The following POLR2B variants were observed in gnomAD, a reference collection of about 807,000 sequenced individuals.
POLR2B encodes DNA-directed RNA polymerase II subunit RPB2.
A neutral mutation model predicts 144.6 loss-of-function variants in POLR2B; 57 were observed. That is an observed-to-expected ratio of 0.39 (90% confidence interval 0.32 to 0.49). The LOEUF (loss-of-function observed/expected upper bound fraction) is 0.49, where lower values mean the gene tolerates loss of function less well. POLR2B is among the 20% of genes least tolerant of loss of function. The probability of loss-of-function intolerance (pLI) is 0.83; values close to 1 mark genes in which losing one functional copy is unlikely to be tolerated. For missense variants in POLR2B, 595 were observed against 1,467.4 expected, an observed-to-expected ratio of 0.41 and a Z score of 9.71; for synonymous variants, 442 against 469.8, an observed-to-expected ratio of 0.94 and a Z score of 0.77.
chr4:57,008,107 A>G (rs1723078098), intron 10 of POLR2B, among the ~76,000 whole-genome samples: 1 of 152,202 alleles, frequency 6.6e-6, no homozygotes, highest in African/African-American at 2.4e-5. Flanking sequence ...GGAGCTCATC[A>G]GCATCTAGCA....
chr4:57,000,875 T>C (rs1722831194), intron 7 of POLR2B, among the ~76,000 whole-genome samples: 1 of 151,986 alleles, frequency 6.6e-6, no homozygotes, highest in South Asian at 2.1e-4. Context: ...TTTGTATTTT[T>C]AGTAGAGACG....
intron 2 of POLR2B, among the ~76,000 whole-genome samples, chr4:56,987,781 C>T (rs188038348): frequency 6.6e-6 from 1 of 152,110 alleles, no homozygotes; most frequent in Non-Finnish European, 1.5e-5. Context: ...ACTTGGGAGG[C>T]TGAGGCAGGA....
In POLR2B at chr4:56,995,250, G is replaced by C; in HGVS notation, c.577-1G>C. The C allele has an allele frequency of 6.2e-7, 1 of 1,603,114 alleles. No homozygotes were observed. Among genetic ancestry groups the C allele is most frequent in the Non-Finnish European group, 8.5e-7 (1 of 1,172,276 alleles). On this transcript the variant is annotated splice_acceptor_variant, in intron 5 of 24. Transcript: ENST00000314595. LOFTEE classifies it high-confidence loss of function. Reference sequence around the variant, plus strand: ...CTGTAACTTTCTTATTGTCCAAATAGGTTCTGATTGCCCAAGAGAAAATGG... The same window carrying C: ...CTGTAACTTTCTTATTGTCCAAATACGTTCTGATTGCCCAAGAGAAAATGG...
chr4:57,023,957 A>G lies in POLR2B; in HGVS notation c.2857-48A>G, dbSNP rs1723630348. On this transcript the variant is annotated intron_variant, in intron 20 of 24. Coordinates refer to ENST00000314595, the MANE Select transcript of POLR2B (RefSeq NM_000938.3). The surrounding 1 kb of genome is among the most constrained non-coding windows in gnomAD (Gnocchi z 4.3). ...TTGGGAGAACTGAAATGTCAGTTCT[A>G]GTTTAGTATATGTATCTTTGAGTCC... 7 of 1,039,840 alleles carry G rather than the reference A, an allele frequency of 6.7e-6. No homozygotes were observed. Among genetic ancestry groups the G allele is most frequent in the Non-Finnish European group, 8.6e-6 (6 of 695,736 alleles). The allele number at this position is 1,039,840 out of a possible 1,614,324, so 64.4% of individuals were successfully genotyped here.
chr4:56,991,469 T>A (rs981835615), intron 3 of POLR2B, among the ~76,000 whole-genome samples: 1 of 152,166 alleles, frequency 6.6e-6, no homozygotes, highest in African/African-American at 2.4e-5. Flanking sequence ...ATAATGACTG[T>A]CCCAGTTTTA....
chr4:56,991,054 A>C, intron 3 of POLR2B, 156 bp downstream of exon 3: 3 of 565,722 alleles, frequency 5.3e-6, no homozygotes, highest in Non-Finnish European at 9.0e-6. Context: ...ATTTTCTCTA[A>C]TGAAGAGGTG....
intron 13 of POLR2B, among the ~76,000 whole-genome samples, chr4:57,014,288 G>A (rs1300160171): frequency 1.3e-5 from 2 of 151,718 alleles, no homozygotes; most frequent in African/African-American, 2.4e-5. Context: ...TCTGCCTCCC[G>A]GGTTCAAGTG....
intron 7 of POLR2B, among the ~76,000 whole-genome samples, chr4:57,000,534 C>G (rs1233458881): frequency 6.6e-6 from 1 of 152,178 alleles, no homozygotes; most frequent in Non-Finnish European, 1.5e-5. Flanking sequence ...TTCATTCTTT[C>G]TATATATAAC....
rs143472946 is a variant in POLR2B, at chr4:57,022,581, G to A, written c.2515+335G>A. Among the ~76,000 whole-genome samples the A allele has an allele frequency of 3.5e-3, 537 of 152,232 alleles. 3 individuals carry two copies. Among genetic ancestry groups the A allele is most frequent in the South Asian group, 8.1e-3 (39 of 4,824 alleles). ...CCCCTTCCTTTCTAAATTATGGTGT[G>A]ATCATAATATTTGTTCAGCCACATT... is the stretch of plus-strand genomic sequence containing the variant. On this transcript the variant is annotated intron_variant, in intron 18 of 24. Coordinates refer to ENST00000314595, the MANE Select transcript of POLR2B (RefSeq NM_000938.3).
At chr4:57,003,247 T>C (rs1346842038) in intron 7 of POLR2B, among the ~76,000 whole-genome samples, 1 of 150,504 alleles carries the variant, frequency 6.6e-6, no homozygotes, top group African/African-American at 2.4e-5. Context: ...CTGGCCAACG[T>C]AGTGAAACCC....
At chr4:56,983,893 G>T (rs1398683957) in intron 1 of POLR2B, among the ~76,000 whole-genome samples, 3 of 148,942 alleles carry the variant, frequency 2.0e-5, no homozygotes, top group South Asian at 2.1e-4. Flanking sequence ...TTTAGACAGG[G>T]TCGCACTCTC....
intron 6 of POLR2B, among the ~76,000 whole-genome samples, chr4:56,999,272 AG>A (rs1470304169): frequency 1.7e-5 from 2 of 116,306 alleles, no homozygotes; most frequent in African/African-American, 6.7e-5. Flanking sequence ...AATTTTTTGG[AG>A]GGGGGATAGG....
chr4:56,988,484 C>T (rs1178568486), intron 2 of POLR2B, among the ~76,000 whole-genome samples: 1 of 151,964 alleles, frequency 6.6e-6, no homozygotes, highest in East Asian at 1.9e-4. Flanking sequence ...TGCAACATAG[C>T]CAGACCCTGT....
intron 10 of POLR2B, chr4:57,010,147 G>A: frequency 2.0e-6 from 1 of 491,472 alleles, no homozygotes; most frequent in African/African-American, 2.0e-5. Context: ...ACCATAAACA[G>A]AATGTTTATG....
At chr4:56,998,760 G>T (rs1277278) in intron 6 of POLR2B, among the ~76,000 whole-genome samples, 65,650 of 151,996 alleles carry the variant, frequency 0.43, 14,502 homozygotes, top group Admixed American at 0.5. Context: ...CAACCAATTG[G>T]CATTTGGAGA....
chr4:56,988,993 G>A (rs1387550893), intron 2 of POLR2B, among the ~76,000 whole-genome samples: 1 of 152,140 alleles, frequency 6.6e-6, no homozygotes, highest in African/African-American at 2.4e-5. Context: ...AGTTTAAATT[G>A]ACTGTAGATA....
At chr4:56,999,563 A>T in intron 6 of POLR2B, 54 bp from the exon 7 acceptor site, 1 of 1,186,914 alleles carries the variant, frequency 8.4e-7, no homozygotes. Context: ...TGGTGTTTTT[A>T]TATTGCTGTG....
chr4:56,989,716 G>T (rs945149140), intron 2 of POLR2B, among the ~76,000 whole-genome samples: 6 of 152,190 alleles, frequency 3.9e-5, no homozygotes, highest in African/African-American at 1.4e-4. Context: ...GAGGTGTGGT[G>T]GGGCACTTCC....
In POLR2B at chr4:57,006,721, C is replaced by A. The variant is rs565135963; in HGVS notation, c.1218-95C>A. 1.2e-4 allele frequency: 124 copies of A among 995,836 alleles called. No individual in the cohort carries two copies. The African/African-American group carries it at 1.9e-3, about 16-fold the overall frequency. 61.7% of individuals were successfully genotyped at this position (995,836 alleles called of 1,614,324 possible). On this transcript the variant is annotated intron_variant, in intron 9 of 24. Coordinates refer to ENST00000314595, the MANE Select transcript of POLR2B (RefSeq NM_000938.3). ...TCACTCTGCCCAAACAATTTTTGCT[C>A]ACCTTCCCCACGCTTTTTTTTGCAA...
Sources: gnomAD v4.1 joint callset for allele counts (sites outside exome capture counted in the v4.1 genomes callset) on GRCh38, gnomAD v4.1.1 for gene constraint, Gnocchi (gnomAD v3.1) non-coding constraint, MANE v1.5 for transcripts, NCBI Gene and HGNC (gene_info 2026-07-23, HGNC 2026-07-21) for gene names.